The following PLEKHG1 variants were observed in gnomAD, a reference collection of about 807,000 sequenced individuals.
PLEKHG1 encodes the protein pleckstrin homology and RhoGEF domain containing G1, also known as pleckstrin homology domain-containing family G member 1.
Under a neutral mutation model 100.8 loss-of-function variants are expected in PLEKHG1, and 44 were observed. The ratio of observed to expected loss-of-function variants is 0.44; its 90% CI spans 0.34 to 0.56. The LOEUF is 0.56. Ranked by LOEUF, PLEKHG1 falls within the 20% of genes least tolerant of loss-of-function variation. The pLI is 0.01. For synonymous variants in PLEKHG1, 640 were observed against 662.5 expected (o/e 0.97, Z 0.52); for missense variants, 1,545 against 1,720.9 (o/e 0.90, Z 1.81).
intron 3 of PLEKHG1, among the ~76,000 whole-genome samples, chr6:150,711,615 C>G (rs1781244810): frequency 6.6e-6 from 1 of 152,144 alleles, no homozygotes; most frequent in African/African-American, 2.4e-5. Flanking sequence ...CCCAGAGTAT[C>G]TTTGCAATGT....
exon 16 of PLEKHG1, chr6:150,843,315 C>T (rs1325976697): frequency 2.0e-5 from 3 of 151,436 alleles, no homozygotes; most frequent in East Asian, 3.9e-4. Context: ...ATTTATAGAC[C>T]ATTTCTGTTG....
upstream of PLEKHG1, among the ~76,000 whole-genome samples, chr6:150,717,973 G>A (rs1781506112): frequency 6.6e-6 from 1 of 152,188 alleles, no homozygotes; most frequent in Admixed American, 6.5e-5. Flanking sequence ...AGCTACTCAG[G>A]AGGCTGAGGT....
intron 1 of PLEKHG1, among the ~76,000 whole-genome samples, chr6:150,629,610 G>A (rs115073029): frequency 0.011 from 1,613 of 152,110 alleles, 32 homozygotes; most frequent in African/African-American, 0.036. Flanking sequence ...ACAGGCACGC[G>A]GCATCACGCC....
chr6:150,808,881 A>T (rs1487653142), intron 7 of PLEKHG1, among the ~76,000 whole-genome samples: 1 of 152,216 alleles, frequency 6.6e-6, no homozygotes, highest in East Asian at 1.9e-4. Context: ...GGAAATAAGT[A>T]ATTAGCAGCT....
intron 3 of PLEKHG1, among the ~76,000 whole-genome samples, chr6:150,669,166 C>A (rs1166032808): frequency 6.6e-6 from 1 of 152,100 alleles, no homozygotes; most frequent in Non-Finnish European, 1.5e-5. Context: ...TCAGGAAAGA[C>A]AAAAGGAGGC....
At chr6:150,809,682 T>G in exon 10 of PLEKHG1, 1 of 1,614,140 alleles carries the variant, frequency 6.2e-7, no homozygotes, top group South Asian at 1.1e-5. Context: ...CTCTGGGTTC[T>G]GCACCTAAAG....
At chr6:150,803,821 T>C (rs1426364276) in intron 6 of PLEKHG1, among the ~76,000 whole-genome samples, 1 of 152,100 alleles carries the variant, frequency 6.6e-6, no homozygotes, top group Non-Finnish European at 1.5e-5. Flanking sequence ...GTATGAAACA[T>C]TTTGCTTCCT....
intron 10 of PLEKHG1, among the ~76,000 whole-genome samples, chr6:150,814,728 A>G (rs1787757015): frequency 6.6e-6 from 1 of 152,138 alleles, no homozygotes; most frequent in Non-Finnish European, 1.5e-5. Context: ...TTTTGTTTTG[A>G]AACAGCGTCT....
chr6:150,741,199 T>C (rs1022804049), intron 2 of PLEKHG1, among the ~76,000 whole-genome samples: 1 of 152,214 alleles, frequency 6.6e-6, no homozygotes, highest in African/African-American at 2.4e-5. Context: ...TAATGACCAA[T>C]GAAAACAGTT....
intron 2 of PLEKHG1, among the ~76,000 whole-genome samples, chr6:150,742,799 GTTTC>G (rs1459779707): frequency 2.0e-5 from 3 of 152,106 alleles, no homozygotes; most frequent in Non-Finnish European, 4.4e-5. Flanking sequence ...CTTCACCCAA[GTTTC>G]TTTCTTTGTC....
intron 2 of PLEKHG1, among the ~76,000 whole-genome samples, chr6:150,740,772 C>G (rs1310829995): frequency 6.6e-6 from 1 of 152,244 alleles, no homozygotes; most frequent in South Asian, 2.1e-4. Flanking sequence ...GGGATTTTAT[C>G]GTAACGGGTG....
At chr6:150,777,163 T>C (rs952632957) in intron 3 of PLEKHG1, among the ~76,000 whole-genome samples, 27 of 149,938 alleles carry the variant, frequency 1.8e-4, no homozygotes, top group Admixed American at 1.3e-3. Context: ...CTCACACTGA[T>C]GCAATCCTGG....
chr6:150,808,927 T>C (rs1387985517), intron 7 of PLEKHG1, among the ~76,000 whole-genome samples, 178 bp from the exon 9 acceptor site: 1 of 152,196 alleles, frequency 6.6e-6, no homozygotes, highest in Non-Finnish European at 1.5e-5. Flanking sequence ...CTGTTAACCC[T>C]TAAGTGGCAC....
intron 14 of PLEKHG1, among the ~76,000 whole-genome samples, chr6:150,827,338 C>T (rs564370884): frequency 6.7e-6 from 1 of 149,666 alleles, no homozygotes; most frequent in East Asian, 2.0e-4. Context: ...AGTGCAGTGG[C>T]ACAATCTCGG....
At chr6:150,724,893 C>G (rs151169381) in intron 1 of PLEKHG1, among the ~76,000 whole-genome samples, 1 of 152,156 alleles carries the variant, frequency 6.6e-6, no homozygotes, top group East Asian at 1.9e-4. Flanking sequence ...TTTCACCAGA[C>G]TGCTCCAGAG....
intron 2 of PLEKHG1, among the ~76,000 whole-genome samples, chr6:150,639,523 C>T (rs537576545): frequency 4.2e-4 from 64 of 151,780 alleles, no homozygotes; most frequent in Non-Finnish European, 8.5e-4. Context: ...ATTTTATGTC[C>T]TTTAACAAAT....
chr6:150,831,973 G>A lies in PLEKHG1; in HGVS notation c.2862G>A (p.Leu954=). ...CCTACGACCTGGCCAACAGTGGCCT[G>A]TCTCAAACAGACCCAGAAAACCCTG... The change falls in exon 15 of 16, where the codon CTG becomes CTA. Residue 954 remains leucine, a synonymous_variant. Coordinates refer to ENST00000358517, the Ensembl canonical transcript of PLEKHG1. The surrounding 1 kb of genome is among the most constrained non-coding windows in gnomAD (Gnocchi z 4.1). 1 of 1,613,582 alleles carries A rather than the reference G, an allele frequency of 6.2e-7. No homozygotes were observed. Among genetic ancestry groups the A allele is most frequent in the Non-Finnish European group, 8.5e-7 (1 of 1,179,704 alleles).
intron 10 of PLEKHG1, among the ~76,000 whole-genome samples, chr6:150,810,508 GAAAGAAAAAGAAAGAAAGAAAGA>G (rs1787437305): frequency 1.3e-5 from 1 of 76,572 alleles, no homozygotes; most frequent in Admixed American, 1.1e-4. Flanking sequence ...GGGAAAGAAA[GAAAGAAAAAGAAAGAAAGAAAGA>G]AAGAAAGGAA....
chr6:150,804,730 G>C (rs774166728), exon 7 of PLEKHG1: 2 of 1,613,626 alleles, frequency 1.2e-6, no homozygotes, highest in Admixed American at 3.3e-5. Context: ...CGAGCACGCG[G>C]TCCGGTTACA....
Sources: allele counts gnomAD v4.1 joint callset (sites outside exome capture counted in the v4.1 genomes callset), GRCh38; gene constraint gnomAD v4.1.1; non-coding constraint Gnocchi (gnomAD v3.1); transcripts MANE v1.5; gene names NCBI Gene and HGNC (gene_info 2026-07-23, HGNC 2026-07-21).